ZNF507: variants seen among roughly 807,000 people sequenced by gnomAD.
ZNF507 encodes the protein zinc finger protein 507.
ZNF507 carries 29 observed loss-of-function variants against 80.0 expected under a neutral mutation model. That is an observed-to-expected ratio of 0.36 (90% confidence interval 0.27 to 0.49). ZNF507 has a LOEUF of 0.49. Ranked by LOEUF, ZNF507 falls within the 20% of genes least tolerant of loss-of-function variation. ZNF507 has a pLI of 0.98. For missense variants in ZNF507, 1,081 were observed against 1,152.2 expected (o/e 0.94, Z 0.90); for synonymous variants, 462 against 422.5 (o/e 1.09, Z -1.15).
chr19:32,351,399 C>T, intron 2 of ZNF507, among the ~76,000 whole-genome samples: 1 of 140,726 alleles, frequency 7.1e-6, no homozygotes, highest in Middle Eastern at 3.8e-3. Flanking sequence ...TGTGGGCGAC[C>T]TGGCACTGAA....
At chr19:32,381,064 A>G (rs1169023460) in intron 5 of ZNF507, among the ~76,000 whole-genome samples, 1 of 152,328 alleles carries the variant, frequency 6.6e-6, no homozygotes, top group African/African-American at 2.4e-5. Flanking sequence ...ACACAATGTA[A>G]TATTACTCAG....
At chr19:32,376,060 A>G (rs1568309208) in intron 5 of ZNF507, among the ~76,000 whole-genome samples, 1 of 152,248 alleles carries the variant, frequency 6.6e-6, no homozygotes, top group Non-Finnish European at 1.5e-5. Context: ...ATTAAATGGA[A>G]TTCCACCAAT....
chr19:32,353,829 A>G lies in ZNF507; in HGVS notation c.999A>G (p.Ser333=). 16 of 1,614,224 alleles carry G rather than the reference A, an allele frequency of 9.9e-6. No individual in the cohort carries two copies. Among genetic ancestry groups the G allele is most frequent in the Non-Finnish European group, 1.3e-5 (15 of 1,180,038 alleles). ...AGATTTGCAGCTCAGAACAGTTATC[A>G]TCTTCATCTCCTTTAGAACAGAGTG... ...QVQICSSEQL[S]SSSPLEQSAE... is the part of the protein sequence containing the mutation. The change falls in exon 3 of 7, where the codon TCA becomes TCG. Residue 333 remains serine (S), a synonymous_variant. Transcript: ENST00000355898.
At chr19:32,370,208 C>T (rs1016211935) in intron 5 of ZNF507, among the ~76,000 whole-genome samples, 2 of 152,204 alleles carry the variant, frequency 1.3e-5, no homozygotes, top group African/African-American at 2.4e-5. Context: ...GAATGCTGCA[C>T]TGAACATGGA....
intron 5 of ZNF507, among the ~76,000 whole-genome samples, chr19:32,372,501 G>A (rs1056848839): frequency 3.3e-5 from 5 of 151,852 alleles, no homozygotes; most frequent in Non-Finnish European, 7.4e-5. Flanking sequence ...TTTTTCAGCT[G>A]TCAGTTCTGC....
chr19:32,367,073 G>A (rs1967408443), intron 5 of ZNF507, among the ~76,000 whole-genome samples: 1 of 152,212 alleles, frequency 6.6e-6, no homozygotes, highest in African/African-American at 2.4e-5. Flanking sequence ...TTATGGTTCT[G>A]CAGGCTGTCC....
At position 32,384,770 on chromosome 19, in the gene ZNF507, C is replaced by T. The variant is rs1028205002; in HGVS notation, c.*1687C>T. 7 of 151,640 alleles carry T rather than the reference C, an allele frequency of 4.6e-5. No individual in the cohort carries two copies. Among genetic ancestry groups the T allele is most frequent in the Admixed American group, 1.3e-4 (2 of 15,204 alleles). The allele number at this position is 151,640 out of a possible 1,614,324, so 9.4% of individuals were successfully genotyped here. On this transcript the variant is annotated 3_prime_UTR_variant, in exon 7 of 7. Transcript: ENST00000355898. ...TTTAAACAAACATAAATGATTGTAA[C>T]TTTGCAGCTTTTTTATTTAGGTAGC... is the stretch of plus-strand genomic sequence containing the variant.
At chr19:32,348,865 T>G (rs1039752098) in intron 2 of ZNF507, among the ~76,000 whole-genome samples, 1 of 152,208 alleles carries the variant, frequency 6.6e-6, no homozygotes, top group African/African-American at 2.4e-5. Context: ...TCTAAAAATA[T>G]AGTCATGTCA....
At chr19:32,373,756 T>A (rs1967506153) in intron 5 of ZNF507, among the ~76,000 whole-genome samples, 1 of 152,250 alleles carries the variant, frequency 6.6e-6, no homozygotes, top group African/African-American at 2.4e-5. Context: ...CATTTACATG[T>A]ATGTCTAATT....
At position 32,354,635 on chromosome 19, in the gene ZNF507, C is replaced by G; in HGVS notation, c.1805C>G (p.Ala602Gly). ...TTGAGAGAAAGGACAGACCAAAACG[C>G]TTCAGACGATGACATTTTGAAAGAG... ...EKLRERTDQN[A>G]SDDDILKELQ... is the part of the protein sequence containing the mutation. Residue 602 changes from alanine (A) to glycine (G), a missense_variant, in exon 3 of 7, where the codon GCT (alanine) becomes GGT (glycine). Around this residue, in one of 6 missense-constraint regions of ZNF507, gnomAD observed 614 missense variants for 583.9 expected, o/e 1.05. Transcript: ENST00000355898. 6.2e-7 allele frequency: 1 copy of G among 1,614,176 alleles called. No homozygotes were observed. The highest frequency in any genetic ancestry group is 1.3e-5 in the African/African-American group (1 of 75,038).
At chr19:32,379,428 T>A (rs1967595499) in intron 5 of ZNF507, among the ~76,000 whole-genome samples, 1 of 152,152 alleles carries the variant, frequency 6.6e-6, no homozygotes. Context: ...GGGGAACAAT[T>A]TTTTTAAATA....
chr19:32,358,896 T>C (rs1360610851), intron 4 of ZNF507: 1 of 152,226 alleles, frequency 6.6e-6, no homozygotes, highest in African/African-American at 2.4e-5. Context: ...AATTTACCCA[T>C]GATCATACTG....
intron 5 of ZNF507, among the ~76,000 whole-genome samples, chr19:32,378,655 AAAAAAG>A (rs1044892291): frequency 6.6e-5 from 10 of 151,648 alleles, no homozygotes; most frequent in Admixed American, 2.0e-4. Context: ...TTTTTTAAAA[AAAAAAG>A]GGAAAACAGT....
At chr19:32,370,747 A>G (rs1967459817) in intron 5 of ZNF507, among the ~76,000 whole-genome samples, 1 of 151,944 alleles carries the variant, frequency 6.6e-6, no homozygotes, top group Admixed American at 6.6e-5. Flanking sequence ...ATGTTGTCCC[A>G]TTTATTTATT....
chr19:32,361,847 C>G (rs1967332264), intron 5 of ZNF507, among the ~76,000 whole-genome samples: 2 of 144,956 alleles, frequency 1.4e-5, no homozygotes, highest in Non-Finnish European at 3.0e-5. Flanking sequence ...TCCTTTCTTC[C>G]TTTCCTTCCT....
chr19:32,378,184 C>T (rs191501658), intron 5 of ZNF507, among the ~76,000 whole-genome samples: 3 of 152,230 alleles, frequency 2.0e-5, no homozygotes, highest in Admixed American at 6.5e-5. Context: ...GAAACCCCAT[C>T]TCTACTAAAA....
intron 2 of ZNF507, 142 bp from the exon 3 acceptor site, chr19:32,352,687 C>G (rs73565314): frequency 1.6e-6 from 1 of 640,758 alleles, no homozygotes; most frequent in Admixed American, 3.5e-5. Context: ...TGGGGATCGC[C>G]GGGTGTGTGG....
rs537691645 is a variant in ZNF507 at position 32,362,916 on chromosome 19, T to C, written c.2360+2298T>C. On this transcript the variant is annotated intron_variant, in intron 5 of 6. Transcript: ENST00000355898. ...CAGTTTTTCCTCATAAGTCTTATTT[T>C]CTAATGTCATGGCTCTCCTTTTAAC... Among the ~76,000 whole-genome samples the C allele has an allele frequency of 1.2e-4, 19 of 152,362 alleles. No homozygotes were observed. In the South Asian group the frequency reaches 1.7e-3, roughly 13 times the overall value.
intron 5 of ZNF507, among the ~76,000 whole-genome samples, chr19:32,364,015 G>T (rs1005401294): frequency 1.3e-5 from 2 of 152,166 alleles, no homozygotes; most frequent in Non-Finnish European, 2.9e-5. Flanking sequence ...TACGAAACTC[G>T]GGAGAATACT....
Sources: allele counts gnomAD v4.1 joint callset (sites outside exome capture counted in the v4.1 genomes callset), GRCh38; gene constraint gnomAD v4.1.1; regional missense constraint gnomAD v4.1.1; transcripts MANE v1.5; gene names NCBI Gene and HGNC (gene_info 2026-07-23, HGNC 2026-07-21).